The following SYTL2 variants were observed in gnomAD, a reference collection of about 807,000 sequenced individuals.
SYTL2 encodes synaptotagmin like 2.
A neutral mutation model predicts 198.7 loss-of-function variants in SYTL2; 165 were observed. The observed-to-expected ratio is 0.83, with a 90% CI of 0.73 to 0.94. The LOEUF (loss-of-function observed/expected upper bound fraction) is 0.94, where lower values mean the gene tolerates loss of function less well. Among genes scored for constraint, SYTL2 ranks in the 40% least tolerant of loss-of-function variants. The pLI, the probability that SYTL2 is intolerant of heterozygous loss-of-function variation, is 0.00. For synonymous variants in SYTL2, 966 were observed against 917.7 expected, an observed-to-expected ratio of 1.05 and a Z score of -0.95; for missense variants, 2,835 against 2,582.8, an observed-to-expected ratio of 1.10 and a Z score of -2.12.
chr11:85,784,762 C>T (rs1258453924), intron 1 of SYTL2, among the ~76,000 whole-genome samples: 4 of 152,108 alleles, frequency 2.6e-5, no homozygotes, highest in Non-Finnish European at 4.4e-5. Context: ...CAGCCTTTAA[C>T]ATTCACACAC....
the SYTL2 span, among the ~76,000 whole-genome samples, chr11:85,846,360 G>C: frequency 6.6e-6 from 1 of 152,206 alleles, no homozygotes; most frequent in Admixed American, 6.5e-5. Context: ...AGAGGGAACA[G>C]AGATGCCACC....
At chr11:85,843,076 TAA>T in the SYTL2 span, among the ~76,000 whole-genome samples, 1 of 152,242 alleles carries the variant, frequency 6.6e-6, no homozygotes, top group South Asian at 2.1e-4. Context: ...TGAGGAAAAT[TAA>T]AGAGTCTAAA....
intron 4 of SYTL2, among the ~76,000 whole-genome samples, chr11:85,739,637 T>G (rs550426690): frequency 7.9e-5 from 12 of 152,362 alleles, no homozygotes; most frequent in African/African-American, 2.6e-4. Flanking sequence ...CAATCAGTAC[T>G]GCAACCACCT....
chr11:85,737,677 CAG>C (rs1591822633), intron 4 of SYTL2, 21 bp from the exon 5 acceptor site: 6 of 1,599,598 alleles, frequency 3.8e-6, no homozygotes, highest in African/African-American at 1.3e-5. Flanking sequence ...AACAATAATT[CAG>C]AGAATAAAAC....
Position 85,727,761 on chromosome 11 carries a change from C to T in SYTL2, c.1597G>A (p.Asp533Asn), listed in dbSNP as rs76641052. Reference sequence around the variant, plus strand: ...TGTTGGAGGAATGACTTATTGTCATCTGAATAAGAACTTCGGTTAAACCAG... The same window carrying T: ...TGTTGGAGGAATGACTTATTGTCATTTGAATAAGAACTTCGGTTAAACCAG... ...LDWFNRSSYS[D>N]DNKSFLQHPR... Residue 533 changes from aspartate to asparagine, a missense_variant, in exon 8 of 20, where the codon GAT (aspartate) becomes AAT (asparagine). Asp to Asn is a conservative substitution (Grantham distance 23). Coordinates refer to ENST00000359152, the MANE Select transcript of SYTL2 (RefSeq NM_206927.4). 2.1e-4 allele frequency: 335 copies of T among 1,564,288 alleles called. 5 individuals are homozygous for T. In the East Asian group the frequency reaches 7.8e-3, roughly 36 times the overall value.
intron 1 of SYTL2, among the ~76,000 whole-genome samples, chr11:85,807,846 A>AT (rs1226011118): frequency 1.3e-5 from 2 of 152,158 alleles, no homozygotes; most frequent in African/African-American, 4.8e-5. Context: ...CACAAACAAG[A>AT]TTAACCTTCA....
At position 85,725,480 on chromosome 11, in the gene SYTL2, A is replaced by G. The variant is rs2089015824; in HGVS notation, c.3878T>C (p.Leu1293Pro). Residue 1293 changes from leucine to proline, a missense_variant, in exon 8 of 20, where the codon CTA (leucine) becomes CCA (proline). Around this residue, in one of 3 missense-constraint regions of SYTL2, gnomAD observed 2,645 missense variants for 2,381.7 expected, o/e 1.11. Transcript: ENST00000359152. ...CATCTGAATCAAATTCTGTGTGCTT[A>G]GCTGGCACTCACCACTTTCAGCTTT... is the stretch of plus-strand genomic sequence containing the variant. The part of the protein sequence containing the change: ...LKKAESGECQ[L>P]STQNLIQMAA... 1 of 1,614,002 alleles carries G rather than the reference A, an allele frequency of 6.2e-7. No homozygotes were observed. The highest frequency in any genetic ancestry group is 8.5e-7 in the Non-Finnish European group (1 of 1,179,988).
chr11:85,739,375 A>G (rs528416286), intron 4 of SYTL2, among the ~76,000 whole-genome samples: 1 of 152,134 alleles, frequency 6.6e-6, no homozygotes, highest in East Asian at 1.9e-4. Flanking sequence ...AAGAAACAAA[A>G]CAGTCAGAAC....
intron 1 of SYTL2, among the ~76,000 whole-genome samples, chr11:85,773,961 G>GT (rs11422008): frequency 0.79 from 120,531 of 151,978 alleles, 48,085 homozygotes; most frequent in African/African-American, 0.86. Flanking sequence ...CAGCTATGTG[G>GT]TTTTTTCTTT....
Position 85,745,743 on chromosome 11 carries a change from C to A in SYTL2, c.283G>T (p.Ala95Ser), listed in dbSNP as rs762600720. The A allele has an allele frequency of 6.2e-7, 1 of 1,613,386 alleles. No individual in the cohort carries two copies. Among genetic ancestry groups the A allele is most frequent in the South Asian group, 1.1e-5 (1 of 91,040 alleles). ...AEQSKDRENG[A>S]KESWVNNVNK... is the part of the protein sequence containing the mutation. ...ACATTATTCACCCAGCTTTCCTTTG[C>A]CCCATTTTCTCTGTCTTTACTCTGC... is the stretch of plus-strand genomic sequence containing the variant. The change falls in exon 4 of 20, where the codon GCA (alanine) becomes TCA (serine). Residue 95 changes from alanine to serine, a missense_variant. Coordinates refer to ENST00000359152, the MANE Select transcript of SYTL2 (RefSeq NM_206927.4).
the SYTL2 span, among the ~76,000 whole-genome samples, chr11:85,842,350 G>T: frequency 6.6e-6 from 1 of 152,344 alleles, no homozygotes; most frequent in African/African-American, 2.4e-5. Context: ...TGGGGCCGGG[G>T]AATCGATGCC....
chr11:85,696,534 G>T, intron 18 of SYTL2, 146 bp from the exon 19 acceptor site: 1 of 674,630 alleles, frequency 1.5e-6, no homozygotes, highest in Non-Finnish European at 2.6e-6. Flanking sequence ...GCAGACAGTG[G>T]GGTAGGGGGT....
At chr11:85,802,459 C>T (rs1247607532) in intron 1 of SYTL2, among the ~76,000 whole-genome samples, 1 of 152,102 alleles carries the variant, frequency 6.6e-6, no homozygotes, top group East Asian at 1.9e-4. Context: ...TAGCAAACTC[C>T]TACTCAGCCA....
intron 10 of SYTL2, chr11:85,718,334 A>G (rs2087709192): frequency 5.8e-6 from 1 of 172,220 alleles, no homozygotes; most frequent in African/African-American, 2.4e-5. Flanking sequence ...CAGAGGCACG[A>G]TTTCCCACCC....
At chr11:85,737,546 A>C (rs1483532613) in intron 5 of SYTL2, 29 bp downstream of exon 5, 7 of 1,570,218 alleles carry the variant, frequency 4.5e-6, no homozygotes, top group Non-Finnish European at 6.1e-6. Context: ...TAACAAATAC[A>C]AGATTTTCAA....
chr11:85,811,918 T>C (rs1363651999), upstream of SYTL2, among the ~76,000 whole-genome samples: 6 of 152,060 alleles, frequency 3.9e-5, no homozygotes, highest in Non-Finnish European at 7.4e-5. Flanking sequence ...CCGGCCAACA[T>C]AGCAAAACTC....
At chr11:85,806,548 C>A (rs1261518570) in intron 1 of SYTL2, among the ~76,000 whole-genome samples, 2 of 152,158 alleles carry the variant, frequency 1.3e-5, no homozygotes, top group Non-Finnish European at 2.9e-5. Flanking sequence ...TCCTAACAAT[C>A]TCAAGAGGTT....
In SYTL2 at chr11:85,745,510, C is replaced by T. The variant is rs192806233; in HGVS notation, c.389+127G>A. 14 of 1,024,732 alleles carry T rather than the reference C, an allele frequency of 1.4e-5. No homozygotes were observed. The Admixed American group carries it at 1.8e-4, about 13-fold the overall frequency. The allele number at this position is 1,024,732 out of a possible 1,614,324, so 63.5% of individuals were successfully genotyped here. A position where few individuals can be genotyped will look rare whatever the true frequency, so the allele number is the denominator to read the frequency against. On this transcript the variant is annotated intron_variant, in intron 4 of 19. Transcript: ENST00000359152. ...CATCGGGGCCCAGAATTCTCTCATA[C>T]ACTGCCCCTTCCCCATGCCCATGAC...
At chr11:85,837,868 G>A in the SYTL2 span, among the ~76,000 whole-genome samples, 4 of 152,262 alleles carry the variant, frequency 2.6e-5, no homozygotes, top group Middle Eastern at 3.4e-3. Context: ...TCCAAACCAC[G>A]CTTTCTCAAT....
Sources: allele counts gnomAD v4.1 joint callset (sites outside exome capture counted in the v4.1 genomes callset), GRCh38; gene constraint gnomAD v4.1.1; regional missense constraint gnomAD v4.1.1; transcripts MANE v1.5; gene names NCBI Gene and HGNC (gene_info 2026-07-23, HGNC 2026-07-21).